Variants in ARMH3 observed in about 807,000 individuals in gnomAD.
ARMH3 encodes the protein armadillo-like helical domain-containing protein 3.
A neutral mutation model predicts 99.1 loss-of-function variants in ARMH3; 60 were observed. The observed-to-expected ratio is 0.61, with a 90% confidence interval of 0.49 to 0.75. ARMH3 has a LOEUF of 0.75. Ranked by LOEUF, ARMH3 falls within the 30% of genes least tolerant of loss-of-function variation. ARMH3 has a pLI of 0.00. For synonymous variants in ARMH3, 285 were observed against 292.8 expected (o/e 0.97, Z 0.27); for missense variants, 679 against 843.1 (o/e 0.81, Z 2.41).
intron 20 of ARMH3, 151 bp downstream of exon 20, chr10:101,975,061 A>T: frequency 2.5e-6 from 1 of 403,690 alleles, no homozygotes; most frequent in South Asian, 4.0e-5. Context: ...AAAAAAAAAA[A>T]AAAAAAAAAA....
chr10:101,879,101 T>C (rs1294492052), intron 24 of ARMH3, among the ~76,000 whole-genome samples: 1 of 152,130 alleles, frequency 6.6e-6, no homozygotes, highest in African/African-American at 2.4e-5. Context: ...GAATAAGCCA[T>C]TATCTTCACT....
At chr10:101,956,520 T>C in intron 22 of ARMH3, 77 bp downstream of exon 22, 1 of 1,537,994 alleles carries the variant, frequency 6.5e-7, no homozygotes, top group Admixed American at 1.8e-5. Flanking sequence ...GAGGAGAATC[T>C]TTCGTAGTCT....
chr10:102,040,167 A>C, intron 1 of ARMH3, 42 bp from the exon 2 acceptor site: 15 of 1,472,530 alleles, frequency 1.0e-5, no homozygotes, highest in Non-Finnish European at 1.1e-5. Context: ...GAAAATACTC[A>C]GTATGATACT....
At chr10:101,986,901 T>C (rs1846536752) in intron 19 of ARMH3, among the ~76,000 whole-genome samples, 1 of 152,182 alleles carries the variant, frequency 6.6e-6, no homozygotes, top group Admixed American at 6.6e-5. Context: ...CCTCGTTATC[T>C]TCTCCATCTT....
At chr10:101,977,866 G>T (rs1474587190) in intron 19 of ARMH3, among the ~76,000 whole-genome samples, 1 of 152,210 alleles carries the variant, frequency 6.6e-6, no homozygotes, top group East Asian at 1.9e-4. Context: ...TCCTCACCCA[G>T]ATGTAGCCCC....
intron 23 of ARMH3, among the ~76,000 whole-genome samples, chr10:101,892,506 T>C (rs1428225264): frequency 6.6e-6 from 1 of 152,206 alleles, no homozygotes; most frequent in African/African-American, 2.4e-5. Flanking sequence ...TGTTTGTGTG[T>C]GTGTATGTAT....
chr10:101,902,356 A>G (rs2135503119), intron 23 of ARMH3, among the ~76,000 whole-genome samples: 1 of 152,320 alleles, frequency 6.6e-6, no homozygotes, highest in East Asian at 1.9e-4. Context: ...TCAGAGGAAC[A>G]GATATGAATA....
chr10:101,862,576 A>C (rs2066898893), intron 24 of ARMH3, among the ~76,000 whole-genome samples: 1 of 152,152 alleles, frequency 6.6e-6, no homozygotes. Context: ...CACTCCATCT[A>C]AAAAAATAAA....
chr10:102,029,240 T>C (rs1440055822), intron 5 of ARMH3, among the ~76,000 whole-genome samples: 1 of 152,210 alleles, frequency 6.6e-6, no homozygotes, highest in Non-Finnish European at 1.5e-5. Context: ...TTTAAAAAGA[T>C]AGTGTCAAAC....
chr10:101,859,746 T>C (rs2066819063), intron 24 of ARMH3, among the ~76,000 whole-genome samples: 1 of 152,226 alleles, frequency 6.6e-6, no homozygotes, highest in African/African-American at 2.4e-5. Flanking sequence ...TGCTGAGCCA[T>C]TTTTAGCACT....
chr10:101,993,760 T>A (rs1027158628), intron 16 of ARMH3, among the ~76,000 whole-genome samples, 157 bp from the exon 17 acceptor site: 1 of 152,184 alleles, frequency 6.6e-6, no homozygotes, highest in Non-Finnish European at 1.5e-5. Context: ...CAAACCCTAC[T>A]TAAGCCATGA....
chr10:101,975,419 T>C (rs1358665144), intron 19 of ARMH3, 119 bp from the exon 20 acceptor site: 1 of 633,252 alleles, frequency 1.6e-6, no homozygotes, highest in East Asian at 3.1e-5. Context: ...TATGAATATG[T>C]ATACATGCAA....
chr10:102,055,187 A>G (rs1445475935), intron 1 of ARMH3, among the ~76,000 whole-genome samples: 1 of 151,866 alleles, frequency 6.6e-6, no homozygotes, highest in Non-Finnish European at 1.5e-5. Flanking sequence ...TGGGCGTGGT[A>G]GCGCAAGGCT....
chr10:101,991,364 AAC>A (rs1846784234), intron 18 of ARMH3, among the ~76,000 whole-genome samples: 1 of 152,128 alleles, frequency 6.6e-6, no homozygotes, highest in African/African-American at 2.4e-5. Context: ...CATCAATTCA[AAC>A]CAAGAAAGGA....
chr10:102,013,821 C>A, intron 9 of ARMH3, 147 bp downstream of exon 9: 1 of 647,654 alleles, frequency 1.5e-6, no homozygotes. Flanking sequence ...AGCACTGACG[C>A]ACTAAAAAGA....
intron 19 of ARMH3, among the ~76,000 whole-genome samples, chr10:101,985,551 C>CA (rs1159724796): frequency 6.6e-6 from 1 of 151,488 alleles, no homozygotes; most frequent in African/African-American, 2.4e-5. Flanking sequence ...CCCATCTCTA[C>CA]AAAAAATATA....
intron 2 of ARMH3, among the ~76,000 whole-genome samples, chr10:102,037,948 G>T (rs1005668787): frequency 1.3e-5 from 2 of 151,938 alleles, no homozygotes; most frequent in Non-Finnish European, 2.9e-5. Context: ...AGAGGTCACA[G>T]TTTGACCCTC....
At chr10:101,939,394 A>G (rs1237025718) in intron 23 of ARMH3, among the ~76,000 whole-genome samples, 2 of 152,160 alleles carry the variant, frequency 1.3e-5, no homozygotes, top group Non-Finnish European at 2.9e-5. Flanking sequence ...GCACTCTGTA[A>G]TTGTCTTGCT....
chr10:102,002,478 T>G (rs1403005028), intron 14 of ARMH3, among the ~76,000 whole-genome samples: 1 of 152,034 alleles, frequency 6.6e-6, no homozygotes, highest in African/African-American at 2.4e-5. Flanking sequence ...GTCTCCTGCT[T>G]GAAATCAGTG....
Sources: allele counts gnomAD v4.1 joint callset (sites outside exome capture counted in the v4.1 genomes callset), GRCh38; gene constraint gnomAD v4.1.1; transcripts MANE v1.5; gene names NCBI Gene and HGNC (gene_info 2026-07-23, HGNC 2026-07-21).